The following FLT3LG variants were observed in gnomAD, a reference collection of about 807,000 sequenced individuals.
FLT3LG encodes the protein fms-related tyrosine kinase 3 ligand.
FLT3LG carries 8 observed loss-of-function variants against 30.9 expected under a neutral mutation model. That is an observed-to-expected ratio of 0.26 (90% CI 0.15 to 0.47). The LOEUF (loss-of-function observed/expected upper bound fraction) is 0.47, where lower values mean the gene tolerates loss of function less well. FLT3LG is among the 20% of genes least tolerant of loss of function. The probability of loss-of-function intolerance (pLI) is 0.99; values close to 1 mark genes in which losing one functional copy is unlikely to be tolerated. For missense variants in FLT3LG, 278 were observed against 306.2 expected (o/e 0.91, Z 0.69); for synonymous variants, 123 against 135.9 (o/e 0.91, Z 0.66).
rs559855524 is a variant in FLT3LG, at chr19:49,480,427, G to A, written c.611G>A (p.Cys204Tyr). 92 of 1,603,130 alleles carry A rather than the reference G, an allele frequency of 5.7e-5. No individual in the cohort carries two copies. The Middle Eastern group carries it at 9.4e-4, about 16-fold the overall frequency. ...CTCCTGCTGCTGGCCGCTGCCTGGT[G>A]CCTGCACTGGCAGAGGACGCGGCGG... ...VGLLLLAAAW[C>Y]LHWQRTRRRT... Residue 204 changes from cysteine (C) to tyrosine (Y), a missense_variant, in exon 7 of 9, where the codon TGC becomes TAC. Cys to Tyr is a radical substitution (Grantham distance 194). This residue lies in a region of FLT3LG where 170 missense variants were observed against 162.0 expected (regional missense o/e 1.05). Coordinates refer to ENST00000597551, the MANE Select transcript of FLT3LG (RefSeq NM_001459.4).
In FLT3LG at chr19:49,476,634, C is replaced by G; in HGVS notation, c.342+68C>G. 6.2e-7 allele frequency: 1 copy of G among 1,602,888 alleles called. No homozygotes were observed. The highest frequency in any genetic ancestry group is 8.5e-7 in the Non-Finnish European group (1 of 1,174,352). ...CTTCCTACGAATTAGAAGTAAAGCT[C>G]CACTAGGCCTTATTGGCGATTTGGA... is the stretch of plus-strand genomic sequence containing the variant. On this transcript the variant is annotated intron_variant, in intron 5 of 8. Coordinates refer to ENST00000597551, the MANE Select transcript of FLT3LG (RefSeq NM_001459.4). This position sits in a 1 kb window ranked among gnomAD's most constrained non-coding sequence, Gnocchi z 5.3.
chr19:49,475,127 G>C (rs1000786769), intron 2 of FLT3LG, among the ~76,000 whole-genome samples: 65 of 105,508 alleles, frequency 6.2e-4, no homozygotes, highest in South Asian at 8.3e-4. Context: ...ATGGACAGGA[G>C]GGGGAGATGG....
chr19:49,480,678 C>T (rs2079574159), intron 8 of FLT3LG, 58 bp downstream of exon 8: 1 of 1,524,698 alleles, frequency 6.6e-7, no homozygotes, highest in South Asian at 1.2e-5. Context: ...GGGAGGGTCA[C>T]TAGGAGGCCA....
At chr19:49,474,304 T>A in intron 1 of FLT3LG, 23 bp downstream of exon 1, 1 of 500,284 alleles carries the variant, frequency 2.0e-6, no homozygotes, top group Admixed American at 3.6e-5. Context: ...ACTTGGACTC[T>A]AGGTCCCCAA....
intron 6 of FLT3LG, 105 bp from the exon 7 acceptor site, chr19:49,480,193 C>A: frequency 1.3e-6 from 1 of 772,368 alleles, no homozygotes; most frequent in Non-Finnish European, 2.1e-6. Context: ...CACAGAGAGG[C>A]CAAGCAGCCC....
At chr19:49,477,503 C>T (rs1023317614) in intron 5 of FLT3LG, among the ~76,000 whole-genome samples, 5 of 151,864 alleles carry the variant, frequency 3.3e-5, no homozygotes, top group African/African-American at 1.2e-4. Context: ...CTTTGGGAGG[C>T]TGAGGCGGGT....
chr19:49,475,945 C>T, intron 3 of FLT3LG, 144 bp downstream of exon 3: 1 of 1,035,370 alleles, frequency 9.7e-7, no homozygotes, highest in Non-Finnish European at 1.5e-6. Context: ...CTTGGCCTCC[C>T]AAAGTGCTGG....
chr19:49,474,520 G>A (rs562390498), intron 1 of FLT3LG, 83 bp from the exon 2 acceptor site: 257 of 964,462 alleles, frequency 2.7e-4, no homozygotes, highest in South Asian at 3.3e-4. Flanking sequence ...AATGGGACGC[G>A]GGAGGGGCGG....
rs2079408452 is a variant in FLT3LG at position 49,476,760 on chromosome 19, G to C, written c.342+194G>C. On this transcript the variant is annotated intron_variant, in intron 5 of 8. Coordinates refer to ENST00000597551, the MANE Select transcript of FLT3LG (RefSeq NM_001459.4). This position sits in a 1 kb window ranked among gnomAD's most constrained non-coding sequence, Gnocchi z 5.3. ...AGGCACCGGTGATGGGGAGCAGTCT[G>C]GTCCCATTCTGGGGCCCCGGTTTCC... 2.3e-5 allele frequency: 16 copies of C among 686,518 alleles called. No individual in the cohort carries two copies. The highest frequency in any genetic ancestry group is 2.6e-5 in the Non-Finnish European group (11 of 428,300). The allele number at this position is 686,518 out of a possible 1,614,324, so 42.5% of individuals were successfully genotyped here. A position where few individuals can be genotyped will look rare whatever the true frequency, so the allele number is the denominator to read the frequency against.
chr19:49,474,741 G>C, intron 2 of FLT3LG, 69 bp downstream of exon 2: 1 of 1,526,740 alleles, frequency 6.5e-7, no homozygotes, highest in Non-Finnish European at 9.0e-7. Context: ...CAGAGATGAG[G>C]GGAGATGGAC....
At chr19:49,477,327 C>T (rs1412809727) in intron 5 of FLT3LG, among the ~76,000 whole-genome samples, 2 of 151,714 alleles carry the variant, frequency 1.3e-5, no homozygotes, top group African/African-American at 4.8e-5. Context: ...ACCTGTGGTC[C>T]CAGCTACTCA....
intron 8 of FLT3LG, chr19:49,480,961 G>A: frequency 4.8e-6 from 1 of 209,576 alleles, no homozygotes; most frequent in South Asian, 1.1e-4. Flanking sequence ...GAACCCAGGA[G>A]GCGGAGGTTG....
chr19:49,481,076 C>G, intron 8 of FLT3LG: 1 of 156,472 alleles, frequency 6.4e-6, no homozygotes, highest in Non-Finnish European at 1.4e-5. Context: ...TCTGGGGCCA[C>G]GGAGACAGAC....
At chr19:49,480,019 G>A (rs2079547204) in intron 6 of FLT3LG, among the ~76,000 whole-genome samples, 1 of 150,182 alleles carries the variant, frequency 6.7e-6, no homozygotes, top group Admixed American at 6.7e-5. Flanking sequence ...GGCCAGGCTG[G>A]TCTTGAACTC....
chr19:49,480,219 G>A (rs936880586), intron 6 of FLT3LG, 79 bp from the exon 7 acceptor site: 2 of 1,062,518 alleles, frequency 1.9e-6, no homozygotes, highest in South Asian at 3.1e-5. Flanking sequence ...AGGTCACACA[G>A]CCAGTGGCAG....
At position 49,478,923 on chromosome 19, in the gene FLT3LG, T is replaced by A. The variant is rs1460028618; in HGVS notation, c.357T>A (p.Cys119Ter). ...CCTGCTCCCAGCCCCCCCCCAGCTG[T>A]CTTCGCTTCGTCCAGACCAACATCT... ...TKCAFQPPPS[C>*]LRFVQTNISR... The change falls in exon 6 of 9, where the codon TGT becomes TGA. Residue 119 changes from cysteine (C) to a stop codon, truncating the protein, a stop_gained. Coordinates refer to ENST00000597551, the MANE Select transcript of FLT3LG (RefSeq NM_001459.4). LOFTEE classifies it high-confidence loss of function. The A allele has an allele frequency of 1.9e-6, 3 of 1,543,202 alleles. No individual in the cohort carries two copies. Among genetic ancestry groups the A allele is most frequent in the Non-Finnish European group, 2.6e-6 (3 of 1,143,208 alleles).
chr19:49,483,235 C>T (rs2015357480), intron 8 of FLT3LG, among the ~76,000 whole-genome samples: 1 of 151,994 alleles, frequency 6.6e-6, no homozygotes, highest in African/African-American at 2.4e-5. Context: ...AGGCGATTCT[C>T]CTGCCTCAGC....
At chr19:49,479,286 T>C (rs1272881437) in intron 6 of FLT3LG, among the ~76,000 whole-genome samples, 133 of 143,574 alleles carry the variant, frequency 9.3e-4, no homozygotes, top group African/African-American at 2.6e-3. Flanking sequence ...GCTCCGCCTC[T>C]CGGGTTCATG....
At position 49,476,043 on chromosome 19, in the gene FLT3LG, G is replaced by T; in HGVS notation, c.145-102G>T. 1 of 1,344,738 alleles carries T rather than the reference G, an allele frequency of 7.4e-7. No homozygotes were observed. Among genetic ancestry groups the T allele is most frequent in the Non-Finnish European group, 1.1e-6 (1 of 938,752 alleles). The allele number at this position is 1,344,738 out of a possible 1,614,324, so 83.3% of individuals were successfully genotyped here. ...GCTTCTTCTGGGCTCCCCCTCTCTT[G>T]GTCTTGTCCCTCTCTCTCTGGATCT... On this transcript the variant is annotated intron_variant, in intron 3 of 8. Coordinates refer to ENST00000597551, the MANE Select transcript of FLT3LG (RefSeq NM_001459.4). This position sits in a 1 kb window ranked among gnomAD's most constrained non-coding sequence, Gnocchi z 5.3.
Sources: allele counts gnomAD v4.1 joint callset (sites outside exome capture counted in the v4.1 genomes callset), GRCh38; gene constraint gnomAD v4.1.1; regional missense constraint gnomAD v4.1.1; non-coding constraint Gnocchi (gnomAD v3.1); transcripts MANE v1.5; gene names NCBI Gene and HGNC (gene_info 2026-07-23, HGNC 2026-07-21).